Variants in EIF2A observed in about 807,000 individuals in gnomAD.
The protein encoded by EIF2A is 65 kDa eukaryotic translation initiation factor 2A.
EIF2A carries 62 observed loss-of-function variants against 75.2 expected under a neutral mutation model. That is an observed-to-expected ratio of 0.82 (90% CI 0.67 to 1.02). EIF2A has a LOEUF of 1.02. Among genes scored for constraint, EIF2A ranks in the 50% least tolerant of loss-of-function variants. EIF2A has a pLI of 0.00. For missense variants in EIF2A, 611 were observed against 677.7 expected, an observed-to-expected ratio of 0.90 and a Z score of 1.09; for synonymous variants, 207 against 239.0, an observed-to-expected ratio of 0.87 and a Z score of 1.23.
rs11379788 is a variant in EIF2A, at chr3:150,558,366, CT to C, written c.99-12del. On this transcript the variant is annotated intron_variant, in intron 2 of 13. Coordinates refer to ENST00000460851, the MANE Select transcript of EIF2A (RefSeq NM_032025.5). ...AGTATTAATGCTTATTCATTTAAACCTTTTTTTTTTGTCATTTTCAGGGAAT... is the reference window on the plus strand; with the variant it reads ...AGTATTAATGCTTATTCATTTAAACCTTTTTTTTTGTCATTTTCAGGGAAT... 10,050 of 1,302,560 alleles carry C rather than the reference CT, an allele frequency of 7.7e-3. 46 individuals are homozygous for C. Among genetic ancestry groups the C allele is most frequent in the South Asian group, 0.034 (2,043 of 59,542 alleles). The allele number at this position is 1,302,560 out of a possible 1,614,324, so 80.7% of individuals were successfully genotyped here.
chr3:150,565,634 C>G (rs1724127966), intron 6 of EIF2A, among the ~76,000 whole-genome samples: 1 of 152,052 alleles, frequency 6.6e-6, no homozygotes, highest in African/African-American at 2.4e-5. Flanking sequence ...TCATGGCTCA[C>G]TGCAATCTCG....
intron 9 of EIF2A, among the ~76,000 whole-genome samples, chr3:150,569,439 A>C (rs887345104): frequency 6.6e-6 from 1 of 151,978 alleles, no homozygotes; most frequent in East Asian, 1.9e-4. Flanking sequence ...TTTTAACTAA[A>C]TAAACTGGCT....
chr3:150,557,350 G>A (rs1046240577), intron 2 of EIF2A, among the ~76,000 whole-genome samples: 3 of 152,086 alleles, frequency 2.0e-5, no homozygotes, highest in Admixed American at 2.0e-4. Flanking sequence ...ATAAGTGTAG[G>A]GTAGTATAGG....
At position 150,572,123 on chromosome 3, in the gene EIF2A, G is replaced by A; in HGVS notation, c.977G>A (p.Gly326Glu). The A allele has an allele frequency of 6.2e-7, 1 of 1,613,934 alleles. No homozygotes were observed. ...AATGCAGCCTACTATAGCCCTCATG[G>A]ACATATATTAGTATTAGCTGGATTT... ...PRNAAYYSPH[G>E]HILVLAGFGN... is the part of the protein sequence containing the mutation. Residue 326 changes from glycine (G) to glutamate (E), a missense_variant, in exon 10 of 14, where the codon GGA becomes GAA. Physicochemically the swap from Gly to Glu is moderately conservative, Grantham distance 98. Coordinates refer to ENST00000460851, the MANE Select transcript of EIF2A (RefSeq NM_032025.5).
intron 2 of EIF2A, among the ~76,000 whole-genome samples, chr3:150,556,874 A>G (rs575882503): frequency 5.2e-4 from 79 of 152,350 alleles, no homozygotes; most frequent in African/African-American, 1.8e-3. Flanking sequence ...CTAAGAACAA[A>G]TTGTTTCAAG....
At chr3:150,581,501 A>G in intron 11 of EIF2A, 117 bp from the exon 12 acceptor site, 1 of 1,239,200 alleles carries the variant, frequency 8.1e-7, no homozygotes, top group Non-Finnish European at 1.1e-6. Context: ...TCTTTATATA[A>G]AATGTAGATA....
intron 1 of EIF2A, among the ~76,000 whole-genome samples, chr3:150,548,105 C>G (rs1435161838): frequency 6.6e-6 from 1 of 152,174 alleles, no homozygotes; most frequent in Non-Finnish European, 1.5e-5. Flanking sequence ...CTTTGAATTG[C>G]TCTTGAGACT....
At position 150,567,891 on chromosome 3, in the gene EIF2A, A is replaced by C. The variant is rs374651881; in HGVS notation, c.550-11A>C. The C allele has an allele frequency of 6.3e-7, 1 of 1,593,984 alleles. No homozygotes were observed. The highest frequency in any genetic ancestry group is 2.2e-5 in the East Asian group (1 of 44,758). ...AAAAATTAAGTAATGATTTATGTCT[A>C]TGTATCTTAGGTGGCTGTCTATGTT... On this transcript the variant is annotated splice_polypyrimidine_tract_variant and intron_variant, in intron 7 of 13. Transcript: ENST00000460851.
chr3:150,549,964 C>A (rs1027950955), intron 1 of EIF2A, among the ~76,000 whole-genome samples: 19 of 152,174 alleles, frequency 1.2e-4, no homozygotes, highest in Non-Finnish European at 2.8e-4. Context: ...GATGACTACA[C>A]CCCTGCCATG....
At chr3:150,571,814 A>T (rs566472251) in intron 9 of EIF2A, 144 bp from the exon 10 acceptor site, 6 of 674,096 alleles carry the variant, frequency 8.9e-6, no homozygotes, top group Non-Finnish European at 1.5e-5. Flanking sequence ...CTAGTATATA[A>T]TGTAAGAGTA....
In EIF2A at chr3:150,551,942, CT is replaced by C. The variant is rs1346714006; in HGVS notation, c.29-407del. Among the ~76,000 whole-genome samples, 4 of 151,998 alleles carry C rather than the reference CT, an allele frequency of 2.6e-5. No individual in the cohort carries two copies. In the South Asian group the frequency reaches 6.2e-4, roughly 24 times the overall value. On this transcript the variant is annotated intron_variant, in intron 1 of 13. Coordinates refer to ENST00000460851, the MANE Select transcript of EIF2A (RefSeq NM_032025.5). ...TATTTCTAAAAACTTTAAACATATACTTTTTTTATTACTTTATATAAAGCAT... is the reference window on the plus strand; with the variant it reads ...TATTTCTAAAAACTTTAAACATATACTTTTTTATTACTTTATATAAAGCAT...
In EIF2A at chr3:150,581,610, T is replaced by G. The variant is rs774113190; in HGVS notation, c.1498-8T>G. 3 of 1,549,084 alleles carry G rather than the reference T, an allele frequency of 1.9e-6. No individual in the cohort carries two copies. Among genetic ancestry groups the G allele is most frequent in the Non-Finnish European group, 2.6e-6 (3 of 1,146,258 alleles). On this transcript the variant is annotated splice_polypyrimidine_tract_variant and splice_region_variant and intron_variant, in intron 11 of 13. Transcript: ENST00000460851. ...TTAAAATTGAATTTAAAAAAATATT[T>G]CCTGCAGGAAGCAAGAAGTGACAAG... is the stretch of plus-strand genomic sequence containing the variant.
At chr3:150,573,828 G>T (rs1331206702) in intron 10 of EIF2A, among the ~76,000 whole-genome samples, 2 of 152,006 alleles carry the variant, frequency 1.3e-5, no homozygotes, top group African/African-American at 2.4e-5. Context: ...GTCCCTCACA[G>T]AAAAAAGTTT....
intron 2 of EIF2A, among the ~76,000 whole-genome samples, chr3:150,556,182 G>A (rs1300206086): frequency 6.6e-6 from 1 of 152,174 alleles, no homozygotes; most frequent in Non-Finnish European, 1.5e-5. Flanking sequence ...AGCAGGAAGA[G>A]TTAGGTAGAT....
intron 12 of EIF2A, among the ~76,000 whole-genome samples, chr3:150,582,103 C>T (rs903523388): frequency 5.3e-5 from 8 of 151,928 alleles, no homozygotes; most frequent in Admixed American, 3.9e-4. Flanking sequence ...CAGGTTCAAG[C>T]GATTCTCCTG....
At chr3:150,574,599 A>T (rs992031961) in intron 10 of EIF2A, among the ~76,000 whole-genome samples, 1 of 152,240 alleles carries the variant, frequency 6.6e-6, no homozygotes, top group Non-Finnish European at 1.5e-5. Flanking sequence ...TGTTCTACAA[A>T]TGTGGGTTCT....
In EIF2A at chr3:150,584,982, G is replaced by T. The variant is rs1725392482; in HGVS notation, c.*1071G>T. Among the ~76,000 whole-genome samples, 1 of 151,072 alleles carries T rather than the reference G, an allele frequency of 6.6e-6. No individual in the cohort carries two copies. ...ATCTTTCTAATGATAGATACCATAT[G>T]AGTATTCAAATATACATACACATAC... On this transcript the variant is annotated 3_prime_UTR_variant, in exon 14 of 14. Coordinates refer to ENST00000460851, the MANE Select transcript of EIF2A (RefSeq NM_032025.5).
At chr3:150,547,562 C>G (rs1355359422) in intron 1 of EIF2A, among the ~76,000 whole-genome samples, 1 of 151,734 alleles carries the variant, frequency 6.6e-6, no homozygotes, top group African/African-American at 2.4e-5. Flanking sequence ...ATGAGTATTA[C>G]GTAAGGAAAA....
chr3:150,562,290 C>A (rs564133158), intron 3 of EIF2A, among the ~76,000 whole-genome samples: 3 of 151,606 alleles, frequency 2.0e-5, no homozygotes, highest in African/African-American at 4.8e-5. Flanking sequence ...GGCGTGGTGG[C>A]GGGCACCTGT....
Sources: gnomAD v4.1 joint callset for allele counts (sites outside exome capture counted in the v4.1 genomes callset) on GRCh38, gnomAD v4.1.1 for gene constraint, MANE v1.5 for transcripts, NCBI Gene and HGNC (gene_info 2026-07-23, HGNC 2026-07-21) for gene names.